HSPA4: variants seen among roughly 807,000 people sequenced by gnomAD.
HSPA4 encodes the protein heat shock protein family A (Hsp70) member 4.
In HSPA4, 25 loss-of-function variants were observed where a neutral mutation model predicts 106.2. The ratio of observed to expected loss-of-function variants is 0.24; its 90% CI spans 0.17 to 0.33. The LOEUF (loss-of-function observed/expected upper bound fraction) is 0.33. Among genes scored for constraint, HSPA4 ranks in the 10% least tolerant of loss-of-function variants. The pLI is 1.00. For missense variants in HSPA4, 841 were observed against 996.0 expected, an observed-to-expected ratio of 0.84 and a Z score of 2.10; for synonymous variants, 332 against 333.6, an observed-to-expected ratio of 1.00 and a Z score of 0.05.
rs556030750 is a variant in HSPA4 at position 133,106,350 on chromosome 5, G to C, written c.*1914G>C. On this transcript the variant is annotated 3_prime_UTR_variant, in exon 19 of 19. Transcript: ENST00000304858. ...CAGGTTGCGTTATCCAAACTGATTT[G>C]TTAAAGCTCCAGGTCACGTTCTTAC... 1.1e-3 allele frequency: 171 copies of C among 151,680 alleles called. 1 individual carries two copies. Among genetic ancestry groups the C allele is most frequent in the African/African-American group, 4.0e-3 (165 of 41,386 alleles). 9.4% of individuals were successfully genotyped at this position (151,680 alleles called of 1,614,324 possible).
intron 1 of HSPA4, among the ~76,000 whole-genome samples, chr5:133,061,091 C>G (rs1765235896): frequency 1.3e-5 from 2 of 151,114 alleles, no homozygotes; most frequent in African/African-American, 4.9e-5. Flanking sequence ...AACAACAGTA[C>G]TTTCACATGC....
At chr5:133,066,736 CT>C (rs58483780) in intron 2 of HSPA4, among the ~76,000 whole-genome samples, 5,228 of 129,130 alleles carry the variant, frequency 0.04, 231 homozygotes, top group African/African-American at 0.14. Context: ...TTTCTTTTTT[CT>C]TTTTTTTTTT....
In HSPA4 at chr5:133,063,289, AT is replaced by A. The variant is rs112403169; in HGVS notation, c.108-1681del. ...CACCATGCCCAGCTAATTTTTTTGTATTTTTTTTTTATAGAGACAGGGTTTC... is the reference window on the plus strand; with the variant it reads ...CACCATGCCCAGCTAATTTTTTTGTATTTTTTTTTATAGAGACAGGGTTTC... On this transcript the variant is annotated intron_variant, in intron 1 of 18. Coordinates refer to ENST00000304858, the MANE Select transcript of HSPA4 (RefSeq NM_002154.4). Among the ~76,000 whole-genome samples the A allele has an allele frequency of 4.6e-3, 673 of 146,978 alleles. 5 individuals are homozygous for A. The highest frequency in any genetic ancestry group is 0.016 in the African/African-American group (638 of 39,932).
In HSPA4 at chr5:133,105,706, T is replaced by C. The variant is rs1475923309; in HGVS notation, c.*1270T>C. 6 of 152,178 alleles carry C rather than the reference T, an allele frequency of 3.9e-5. No homozygotes were observed. The highest frequency in any genetic ancestry group is 5.9e-5 in the Non-Finnish European group (4 of 68,038). 9.4% of individuals were successfully genotyped at this position (152,178 alleles called of 1,614,324 possible). A position where few individuals can be genotyped will look rare whatever the true frequency, so the allele number is the denominator to read the frequency against. On this transcript the variant is annotated 3_prime_UTR_variant, in exon 19 of 19. Coordinates refer to ENST00000304858, the MANE Select transcript of HSPA4 (RefSeq NM_002154.4). ...TTTTGAATCTTTGTAAAAATTGATA[T>C]TCTGTATAACAGAGTGCCTCTCTGT... is the stretch of plus-strand genomic sequence containing the variant.
At chr5:133,066,130 C>A (rs1414497968) in intron 2 of HSPA4, among the ~76,000 whole-genome samples, 2 of 152,144 alleles carry the variant, frequency 1.3e-5, no homozygotes, top group Admixed American at 1.3e-4. Flanking sequence ...GTTTTTTAAA[C>A]CTGCTTTTCA....
chr5:133,095,293 C>T (rs1187333463), intron 13 of HSPA4, among the ~76,000 whole-genome samples: 1 of 152,084 alleles, frequency 6.6e-6, no homozygotes, highest in Non-Finnish European at 1.5e-5. Flanking sequence ...CAGAGCGAGA[C>T]TCCATCTCAA....
At position 133,055,950 on chromosome 5, in the gene HSPA4, C is replaced by T. The variant is rs77522796; in HGVS notation, c.107+3593C>T. On this transcript the variant is annotated intron_variant, in intron 1 of 18. Transcript: ENST00000304858. ...AAAATTAGCTGGGTGTGGTGGCGGG[C>T]GCCTGTGGTCCCAGCTACTCTGGAG... 4.1e-4 allele frequency among the ~76,000 whole-genome samples: 63 copies of T among 152,098 alleles called. 1 individual carries two copies. In the East Asian group the frequency reaches 5.6e-3, roughly 14 times the overall value.
chr5:133,097,423 A>T (rs1309267046), intron 15 of HSPA4, 137 bp downstream of exon 15: 6 of 572,244 alleles, frequency 1.0e-5, no homozygotes, highest in Admixed American at 2.9e-5. Context: ...GCAAAATTTT[A>T]TATTTTTTTA....
intron 17 of HSPA4, 44 bp from the exon 18 acceptor site, chr5:133,103,821 G>T: frequency 6.5e-7 from 1 of 1,532,028 alleles, no homozygotes; most frequent in South Asian, 1.2e-5. Context: ...GGGGAGGGAG[G>T]GTATCACACT....
chr5:133,081,595 A>G (rs919658799), intron 7 of HSPA4, among the ~76,000 whole-genome samples: 3 of 152,118 alleles, frequency 2.0e-5, no homozygotes, highest in Admixed American at 6.6e-5. Context: ...GCTGTTTTCA[A>G]TTTGGCTCTC....
At position 133,086,889 on chromosome 5, in the gene HSPA4, G is replaced by A. The variant is rs149095661; in HGVS notation, c.985+31G>A. 26 of 1,461,690 alleles carry A rather than the reference G, an allele frequency of 1.8e-5. No homozygotes were observed. The East Asian group carries it at 3.6e-4, about 20-fold the overall frequency. 90.5% of individuals were successfully genotyped at this position (1,461,690 alleles called of 1,614,324 possible). On this transcript the variant is annotated intron_variant, in intron 8 of 18. Coordinates refer to ENST00000304858, the MANE Select transcript of HSPA4 (RefSeq NM_002154.4). ...TATTTTTGTGATTGAATTTGTTTGC[G>A]TATCTCAGACTGTTTGGAAATTGTT...
rs753513331 is a variant in HSPA4 at position 133,101,772 on chromosome 5, C to G, written c.2051C>G (p.Pro684Arg). Reference protein sequence around the residue: ...KLAELKNLGQPIKIRFQESEE... With the variant: ...KLAELKNLGQRIKIRFQESEE... ...TCTTCTGTTAAGAATCTAGGTCAACCTATTAAGATACGTTTCCAGGAATCT... is the reference window on the plus strand; with the variant it reads ...TCTTCTGTTAAGAATCTAGGTCAACGTATTAAGATACGTTTCCAGGAATCT... The change falls in exon 17 of 19, where the codon CCT (proline) becomes CGT (arginine). Residue 684 changes from proline (P) to arginine (R), a missense_variant. By Grantham distance (103) the Pro-to-Arg change is moderately radical (BLOSUM62 -2). Around this residue, in one of 5 missense-constraint regions of HSPA4, gnomAD observed 328 missense variants for 372.2 expected, o/e 0.88. Coordinates refer to ENST00000304858, the MANE Select transcript of HSPA4 (RefSeq NM_002154.4). 6 of 1,610,682 alleles carry G rather than the reference C, an allele frequency of 3.7e-6. No homozygotes were observed. The highest frequency in any genetic ancestry group is 5.1e-6 in the Non-Finnish European group (6 of 1,178,836).
In HSPA4 at chr5:133,099,550, T is replaced by C; in HGVS notation, c.1935T>C (p.Arg645=). Residue 645 remains arginine, a synonymous_variant, in exon 16 of 19, where the codon CGT becomes CGC. Transcript: ENST00000304858. ...AATATTTTCTTTATCATTAGGATCGTAACAGTTTTACTTTGAAACTGGAAG... is the reference window on the plus strand; with the variant it reads ...AATATTTTCTTTATCATTAGGATCGCAACAGTTTTACTTTGAAACTGGAAG... ...EYEKFVSEDD[R]NSFTLKLEDT... 1 of 1,552,510 alleles carries C rather than the reference T, an allele frequency of 6.4e-7. No individual in the cohort carries two copies. Among genetic ancestry groups the C allele is most frequent in the South Asian group, 1.1e-5 (1 of 88,822 alleles).
intron 1 of HSPA4, among the ~76,000 whole-genome samples, chr5:133,057,841 A>AG (rs1765187202): frequency 6.6e-6 from 1 of 152,028 alleles, no homozygotes; most frequent in African/African-American, 2.4e-5. Flanking sequence ...GTAGTATAGA[A>AG]GAAGTGTAAG....
intron 1 of HSPA4, among the ~76,000 whole-genome samples, chr5:133,059,135 GTAA>G (rs931691958): frequency 2.2e-5 from 3 of 137,032 alleles, no homozygotes; most frequent in African/African-American, 5.5e-5. Flanking sequence ...CTCAAAAATA[GTAA>G]TAATAATAAT....
At chr5:133,053,550 A>G (rs111640857) in intron 1 of HSPA4, among the ~76,000 whole-genome samples, 2,380 of 152,102 alleles carry the variant, frequency 0.016, 30 homozygotes, top group Middle Eastern at 0.037. Context: ...GGGTTTCACT[A>G]TGTCACTCAG....
intron 6 of HSPA4, among the ~76,000 whole-genome samples, chr5:133,075,452 T>C (rs958577406): frequency 6.6e-6 from 1 of 152,192 alleles, no homozygotes; most frequent in Non-Finnish European, 1.5e-5. Flanking sequence ...TTTTAAATTA[T>C]AAAAATATTC....
At chr5:133,090,334 G>T (rs1765630956) in intron 11 of HSPA4, among the ~76,000 whole-genome samples, 1 of 150,694 alleles carries the variant, frequency 6.6e-6, no homozygotes, top group Non-Finnish European at 1.5e-5. Flanking sequence ...GGGAGGCTGA[G>T]GCAGGAGACT....
rs1421371797 is a variant in HSPA4, at chr5:133,101,741, G to C, written c.2038-18G>C. On this transcript the variant is annotated intron_variant, in intron 16 of 18. Coordinates refer to ENST00000304858, the MANE Select transcript of HSPA4 (RefSeq NM_002154.4). ...ATCGTTGAACTGCCGTATGAAGACT[G>C]TGTATTCTTCTGTTAAGAATCTAGG... 5.6e-6 allele frequency: 9 copies of C among 1,602,296 alleles called. No homozygotes were observed. In the South Asian group the frequency reaches 9.1e-5, roughly 16 times the overall value.
Sources: gnomAD v4.1 joint callset for allele counts (sites outside exome capture counted in the v4.1 genomes callset) on GRCh38, gnomAD v4.1.1 for gene constraint, gnomAD v4.1.1 regional missense constraint, MANE v1.5 for transcripts, NCBI Gene and HGNC (gene_info 2026-07-23, HGNC 2026-07-21) for gene names.